Variants in ADPRHL1 observed in about 807,000 individuals in gnomAD.
ADPRHL1 encodes the protein inactive ADP-ribosyltransferase ARH2.
Under a neutral mutation model 44.1 loss-of-function variants are expected in ADPRHL1, and 43 were observed. That is an observed-to-expected ratio of 0.98 (90% CI 0.76 to 1.26). ADPRHL1 has a LOEUF of 1.26. Among genes scored for constraint, ADPRHL1 ranks in the 50% most tolerant of loss-of-function variants. ADPRHL1 has a pLI of 0.00. For synonymous variants in ADPRHL1, 878 were observed against 1,017.4 expected, an observed-to-expected ratio of 0.86 and a Z score of 2.61; for missense variants, 2,022 against 2,496.9, an observed-to-expected ratio of 0.81 and a Z score of 4.05.
intron 3 of ADPRHL1, among the ~76,000 whole-genome samples, chr13:113,431,973 C>T (rs1300147985): frequency 2.0e-5 from 3 of 152,162 alleles, no homozygotes; most frequent in African/African-American, 7.2e-5. Flanking sequence ...TGCCTTGGCA[C>T]CCCCAAAGTG....
chr13:113,405,911 G>A lies in ADPRHL1; in HGVS notation c.3371C>T (p.Ala1124Val). ...MAAAGSVASR[A>V]TPAPAPGSTQ... ...GCTGCCTGGCGCTGGTGCAGGCGTG[G>A]CGCGGCTCGCAACGCTCCCTGCAGC... Residue 1124 changes from alanine (A) to valine (V), a missense_variant, in exon 8 of 8, where the codon GCC becomes GTC. Physicochemically the swap from Ala to Val is moderately conservative, Grantham distance 64. Coordinates refer to ENST00000612156, the MANE Select transcript of ADPRHL1 (RefSeq NM_001394807.1). The A allele has an allele frequency of 8.1e-7, 1 of 1,232,082 alleles. No individual in the cohort carries two copies. Among genetic ancestry groups the A allele is most frequent in the Non-Finnish European group, 1.0e-6 (1 of 988,094 alleles). The allele number at this position is 1,232,082 out of a possible 1,614,324, so 76.3% of individuals were successfully genotyped here. A position where few individuals can be genotyped will look rare whatever the true frequency, so the allele number is the denominator to read the frequency against.
chr13:113,422,311 G>A (rs1268251074), intron 7 of ADPRHL1: 1 of 153,216 alleles, frequency 6.5e-6, no homozygotes. Flanking sequence ...GCAGGCCCCA[G>A]TGTGGACTGT....
intron 7 of ADPRHL1, among the ~76,000 whole-genome samples, chr13:113,413,195 G>A (rs1346368553): frequency 6.6e-6 from 1 of 152,158 alleles, no homozygotes; most frequent in African/African-American, 2.4e-5. Flanking sequence ...GCACAACCCT[G>A]TTTCTCTCCT....
intron 4 of ADPRHL1, among the ~76,000 whole-genome samples, chr13:113,427,408 A>G (rs1439167303): frequency 2.0e-5 from 3 of 152,252 alleles, no homozygotes; most frequent in African/African-American, 4.8e-5. Flanking sequence ...AGAACCCGGC[A>G]CCACCGGCTT....
chr13:113,402,519 G>C lies in ADPRHL1; in HGVS notation c.*859C>G, dbSNP rs2043769833. On this transcript the variant is annotated 3_prime_UTR_variant, in exon 8 of 8. Coordinates refer to ENST00000612156, the MANE Select transcript of ADPRHL1 (RefSeq NM_001394807.1). The stretch of plus-strand genomic sequence containing the variant: ...GGAAACACTTCTATGCTGTTCGGGA[G>C]GACGGAGGACAGACAGCGAGGCTCT... 6.6e-6 allele frequency: 1 copy of C among 152,306 alleles called. No individual in the cohort carries two copies. The highest frequency in any genetic ancestry group is 6.5e-5 in the Admixed American group (1 of 15,274). The allele number at this position is 152,306 out of a possible 1,614,324, so 9.4% of individuals were successfully genotyped here.
At chr13:113,426,995 G>T (rs910419479) in intron 4 of ADPRHL1, among the ~76,000 whole-genome samples, 2 of 152,184 alleles carry the variant, frequency 1.3e-5, no homozygotes, top group Non-Finnish European at 2.9e-5. Context: ...TGTTAAAAAG[G>T]TTTCTGTGTC....
chr13:113,407,620 C>A lies in ADPRHL1; in HGVS notation c.1662G>T (p.Lys554Asn), dbSNP rs1053309960. The change falls in exon 8 of 8, where the codon AAG becomes AAT. Residue 554 changes from lysine (K) to asparagine (N), a missense_variant. Transcript: ENST00000612156. Reference sequence around the variant, plus strand: ...AGCACAGGCAGCTGTTCTGCTCGAACTTCTCCCGCAGCTTGGACAGCACCG... The same window carrying A: ...AGCACAGGCAGCTGTTCTGCTCGAAATTCTCCCGCAGCTTGGACAGCACCG... ...KSSVLSKLRE[K>N]FEQNSCLCSE... The A allele has an allele frequency of 2.4e-6, 3 of 1,232,132 alleles. No homozygotes were observed. Among genetic ancestry groups the A allele is most frequent in the Non-Finnish European group, 3.0e-6 (3 of 988,034 alleles). 76.3% of individuals were successfully genotyped at this position (1,232,132 alleles called of 1,614,324 possible). A position where few individuals can be genotyped will look rare whatever the true frequency, so the allele number is the denominator to read the frequency against.
At position 113,409,467 on chromosome 13, in the gene ADPRHL1, C is replaced by G; in HGVS notation, c.1062-1247G>C. On this transcript the variant is annotated intron_variant, in intron 7 of 7. Transcript: ENST00000612156. The surrounding 1 kb of genome is among the most constrained non-coding windows in gnomAD (Gnocchi z 4.2). ...TATAATGTTGAAAAATCTAGAGCAT[C>G]CTCGATGTCCAACTCCAGGGCGGCC... 1.0e-6 allele frequency: 1 copy of G among 985,408 alleles called. No homozygotes were observed. The highest frequency in any genetic ancestry group is 1.2e-6 in the Non-Finnish European group (1 of 829,926). The allele number at this position is 985,408 out of a possible 1,614,324, so 61.0% of individuals were successfully genotyped here. A position where few individuals can be genotyped will look rare whatever the true frequency, so the allele number is the denominator to read the frequency against.
intron 2 of ADPRHL1, among the ~76,000 whole-genome samples, chr13:113,438,164 G>T (rs1322919011): frequency 6.6e-6 from 1 of 152,142 alleles, no homozygotes; most frequent in Admixed American, 6.5e-5. Flanking sequence ...TGCCAAATGG[G>T]TTTCCAGAGT....
At chr13:113,440,674 C>G (rs539368100) in intron 2 of ADPRHL1, among the ~76,000 whole-genome samples, 2 of 151,928 alleles carry the variant, frequency 1.3e-5, no homozygotes, top group African/African-American at 4.8e-5. Context: ...AGGCTGGTCT[C>G]GAACTCCTGA....
chr13:113,414,297 G>A (rs564782192), intron 7 of ADPRHL1, among the ~76,000 whole-genome samples: 28 of 152,290 alleles, frequency 1.8e-4, no homozygotes, highest in Admixed American at 1.7e-3. Context: ...GGCCAACAGC[G>A]CTTAGAAAAC....
chr13:113,408,002 G>A lies in ADPRHL1; in HGVS notation c.1280C>T (p.Thr427Met), dbSNP rs2043821953. ...CTTGGCCTGCAGGAGCTGGAAGCGC[G>A]TGGGCCGCTGGGTGGCCTCCTGGGT... Reference protein sequence around the residue: ...PQTQEATQRPTRFQLLQAKFL... With the variant: ...PQTQEATQRPMRFQLLQAKFL... The change falls in exon 8 of 8, where the codon ACG becomes ATG. Residue 427 changes from threonine (T) to methionine (M), a missense_variant. This residue lies in a region of ADPRHL1 where 1,221 missense variants were observed against 1,517.8 expected (regional missense o/e 0.80). Coordinates refer to ENST00000612156, the MANE Select transcript of ADPRHL1 (RefSeq NM_001394807.1). 1.1e-5 allele frequency: 13 copies of A among 1,232,562 alleles called. No homozygotes were observed. The South Asian group carries it at 1.2e-4, about 12-fold the overall frequency. 76.4% of individuals were successfully genotyped at this position (1,232,562 alleles called of 1,614,324 possible). A position where few individuals can be genotyped will look rare whatever the true frequency, so the allele number is the denominator to read the frequency against.
chr13:113,425,790 C>T (rs566562469), intron 4 of ADPRHL1, among the ~76,000 whole-genome samples: 3 of 151,906 alleles, frequency 2.0e-5, no homozygotes, highest in Admixed American at 2.0e-4. Flanking sequence ...AAGCGATTCT[C>T]CTGCCTCAGC....
intron 1 of ADPRHL1, among the ~76,000 whole-genome samples, chr13:113,452,302 C>T (rs1395119604): frequency 6.6e-6 from 1 of 152,304 alleles, no homozygotes; most frequent in African/African-American, 2.4e-5. Context: ...TTATCGCCGG[C>T]GCTTCAGCTC....
chr13:113,437,138 C>T (rs1429853064), intron 2 of ADPRHL1, among the ~76,000 whole-genome samples: 9 of 101,490 alleles, frequency 8.9e-5, no homozygotes, highest in Admixed American at 3.2e-4. Context: ...AGAGTGAACA[C>T]AGGTGTACCC....
At chr13:113,451,101 G>T (rs1264915669) in intron 1 of ADPRHL1, among the ~76,000 whole-genome samples, 12 of 152,182 alleles carry the variant, frequency 7.9e-5, no homozygotes, top group East Asian at 3.9e-4. Flanking sequence ...GCCCTGTCCG[G>T]GCATAACAGA....
At position 113,407,934 on chromosome 13, in the gene ADPRHL1, C is replaced by G. The variant is rs2043821423; in HGVS notation, c.1348G>C (p.Glu450Gln). Residue 450 changes from glutamate to glutamine, a missense_variant, in exon 8 of 8, where the codon GAG becomes CAG. Physicochemically the swap from Glu to Gln is conservative, Grantham distance 29 (BLOSUM62 2). Coordinates refer to ENST00000612156, the MANE Select transcript of ADPRHL1 (RefSeq NM_001394807.1). ...GRERYLKRTR[E>Q]VGRLISKDKQ... ...TCCTTGGAGATCAGCCGGCCCACCT[C>G]CCTGGTCCTCTTGAGGTAGCGCTCC... 10 of 1,232,000 alleles carry G rather than the reference C, an allele frequency of 8.1e-6. No individual in the cohort carries two copies. Among genetic ancestry groups the G allele is most frequent in the South Asian group, 4.1e-5 (1 of 24,328 alleles). 76.3% of individuals were successfully genotyped at this position (1,232,000 alleles called of 1,614,324 possible).
In ADPRHL1 at chr13:113,406,618, G is replaced by A. The variant is rs541574145; in HGVS notation, c.2664C>T (p.Thr888=). ...GGTGACCCCTTCTGTTCTCAGTCAC[G>A]GTGGGAAATTCTGTGTGGGCATTTT... The part of the protein sequence containing the change: ...VVENAHTEFP[T]VTENRRGHRA... The change falls in exon 8 of 8, where the codon ACC becomes ACT. Residue 888 remains threonine, a synonymous_variant. Coordinates refer to ENST00000612156, the MANE Select transcript of ADPRHL1 (RefSeq NM_001394807.1). The A allele has an allele frequency of 8.1e-6, 10 of 1,232,048 alleles. No individual in the cohort carries two copies. The highest frequency in any genetic ancestry group is 3.1e-4 in the Middle Eastern group (1 of 3,208). 76.3% of individuals were successfully genotyped at this position (1,232,048 alleles called of 1,614,324 possible).
intron 1 of ADPRHL1, among the ~76,000 whole-genome samples, chr13:113,445,364 C>T (rs1471173221): frequency 6.6e-6 from 1 of 152,286 alleles, no homozygotes; most frequent in Non-Finnish European, 1.5e-5. Context: ...AAGTAACCCG[C>T]AGTGTGTGGA....
Sources: gnomAD v4.1 joint callset for allele counts (sites outside exome capture counted in the v4.1 genomes callset) on GRCh38, gnomAD v4.1.1 for gene constraint, gnomAD v4.1.1 regional missense constraint, Gnocchi (gnomAD v3.1) non-coding constraint, MANE v1.5 for transcripts, NCBI Gene and HGNC (gene_info 2026-07-23, HGNC 2026-07-21) for gene names.